Variants in CLASP1 observed in about 807,000 individuals in gnomAD.
CLASP1 encodes cytoplasmic linker associated protein 1, also known as CLIP-associating protein 1.
CLASP1 carries 38 observed loss-of-function variants against 192.3 expected under a neutral mutation model. The ratio of observed to expected loss-of-function variants is 0.20; its 90% CI spans 0.15 to 0.26. CLASP1 has a LOEUF of 0.26. Among genes scored for constraint, CLASP1 ranks in the 10% least tolerant of loss-of-function variants. The pLI is 1.00. For synonymous variants in CLASP1, 691 were observed against 712.8 expected (o/e 0.97, Z 0.49); for missense variants, 1,433 against 1,932.5 (o/e 0.74, Z 4.85).
chr2:121,397,115 T>C (rs555591622), intron 30 of CLASP1, 25 bp downstream of exon 31: 14 of 1,611,752 alleles, frequency 8.7e-6, no homozygotes, highest in Non-Finnish European at 1.0e-5. Flanking sequence ...AATCTGTAAT[T>C]ACACGTCGGT....
chr2:121,340,879 A>T, exon 40 of CLASP1: 1 of 1,612,060 alleles, frequency 6.2e-7, no homozygotes, highest in South Asian at 1.1e-5. Context: ...GCGTGGAGAC[A>T]TCGGAGGAGG....
chr2:121,344,970 C>A (rs2063264315), intron 39 of CLASP1, among the ~76,000 whole-genome samples: 1 of 152,128 alleles, frequency 6.6e-6, no homozygotes, highest in Non-Finnish European at 1.5e-5. Flanking sequence ...CCAGCCTGGC[C>A]AACCAGGCAA....
chr2:121,644,967 A>AT (rs1491428053), intron 1 of CLASP1, among the ~76,000 whole-genome samples: 54 of 132,884 alleles, frequency 4.1e-4, no homozygotes, highest in Middle Eastern at 3.7e-3. Flanking sequence ...AAAAAAAAAC[A>AT]AAAAAAAAAA....
intron 39 of CLASP1, among the ~76,000 whole-genome samples, chr2:121,342,386 G>A (rs1265576866): frequency 6.6e-6 from 1 of 152,102 alleles, no homozygotes; most frequent in East Asian, 1.9e-4. Flanking sequence ...CCAAAGTGCT[G>A]GGATTACTAG....
At chr2:121,571,968 CAA>C (rs562311464) in intron 2 of CLASP1, among the ~76,000 whole-genome samples, 1 of 125,654 alleles carries the variant, frequency 8.0e-6, no homozygotes. Flanking sequence ...GTACTGATTA[CAA>C]AAAAAAAAAG....
chr2:121,546,919 A>G (rs1417207228), intron 2 of CLASP1, among the ~76,000 whole-genome samples: 1 of 152,114 alleles, frequency 6.6e-6, no homozygotes, highest in Non-Finnish European at 1.5e-5. Context: ...GAGGTCTCCA[A>G]CCACCACCTA....
chr2:121,501,504 C>T (rs917539705), intron 8 of CLASP1, among the ~76,000 whole-genome samples: 1 of 152,084 alleles, frequency 6.6e-6, no homozygotes, highest in Admixed American at 6.5e-5. Flanking sequence ...ACAAATTATA[C>T]AGTTACAGGA....
At chr2:121,562,012 G>A (rs1173365330) in intron 2 of CLASP1, among the ~76,000 whole-genome samples, 2 of 152,338 alleles carry the variant, frequency 1.3e-5, no homozygotes, top group African/African-American at 4.8e-5. Flanking sequence ...TGTTAGACAA[G>A]TATTCTTTGT....
At chr2:121,344,459 G>C (rs771867852) in intron 39 of CLASP1, among the ~76,000 whole-genome samples, 1 of 151,916 alleles carries the variant, frequency 6.6e-6, no homozygotes, top group South Asian at 2.1e-4. Context: ...GGCCTCCTGA[G>C]TAGCTGGGAT....
At chr2:121,537,328 G>C (rs2095113528) in intron 2 of CLASP1, among the ~76,000 whole-genome samples, 1 of 151,924 alleles carries the variant, frequency 6.6e-6, no homozygotes, top group African/African-American at 2.4e-5. Flanking sequence ...GGAGGTTGAG[G>C]CTGCAGTGAG....
At chr2:121,527,024 G>A (rs541935587) in intron 5 of CLASP1, among the ~76,000 whole-genome samples, 3 of 152,244 alleles carry the variant, frequency 2.0e-5, no homozygotes, top group South Asian at 2.1e-4. Flanking sequence ...CAGATTATTC[G>A]GACATTGCTG....
intron 9 of CLASP1, among the ~76,000 whole-genome samples, chr2:121,469,062 G>A (rs913648107): frequency 3.3e-5 from 5 of 150,432 alleles, no homozygotes; most frequent in Non-Finnish European, 7.5e-5. Flanking sequence ...TTTGTTTTTC[G>A]TTTAACAGTC....
At chr2:121,358,014 A>T (rs540286175) in intron 37 of CLASP1, among the ~76,000 whole-genome samples, 1 of 152,334 alleles carries the variant, frequency 6.6e-6, no homozygotes, top group East Asian at 1.9e-4. Context: ...ACTCTGCTTT[A>T]ACCTCAACTA....
intron 8 of CLASP1, among the ~76,000 whole-genome samples, chr2:121,484,355 C>A (rs1265691210): frequency 6.6e-6 from 1 of 152,140 alleles, no homozygotes; most frequent in African/African-American, 2.4e-5. Flanking sequence ...AAGCCAACTG[C>A]CCACATAATA....
At chr2:121,534,180 G>T (rs2094976152) in intron 2 of CLASP1, among the ~76,000 whole-genome samples, 1 of 152,226 alleles carries the variant, frequency 6.6e-6, no homozygotes, top group African/African-American at 2.4e-5. Flanking sequence ...AGGGCACAGA[G>T]AATCACTTTT....
At chr2:121,488,130 G>T (rs2093090863) in intron 8 of CLASP1, among the ~76,000 whole-genome samples, 1 of 152,158 alleles carries the variant, frequency 6.6e-6, no homozygotes, top group South Asian at 2.1e-4. Context: ...TAGTGTTAGT[G>T]ACCAAGATCT....
At chr2:121,626,053 T>A in intron 1 of CLASP1, among the ~76,000 whole-genome samples, 1 of 149,588 alleles carries the variant, frequency 6.7e-6, no homozygotes. Context: ...TGAGCTGAGA[T>A]GGCACCACTG....
chr2:121,365,175 C>A (rs770245070), exon 36 of CLASP1: 1 of 1,613,774 alleles, frequency 6.2e-7, no homozygotes. Context: ...TGTCTTCCCG[C>A]GTGATCTTGA....
chr2:121,397,161 T>C, exon 30 of CLASP1: 1 of 1,613,970 alleles, frequency 6.2e-7, no homozygotes, highest in Non-Finnish European at 8.5e-7. Flanking sequence ...CTGAACTCTT[T>C]GGTTCTGTTG....
Sources: allele counts gnomAD v4.1 joint callset (sites outside exome capture counted in the v4.1 genomes callset), GRCh38; gene constraint gnomAD v4.1.1; transcripts MANE v1.5; gene names NCBI Gene and HGNC (gene_info 2026-07-23, HGNC 2026-07-21).